Variants in HSPD1 observed in about 807,000 individuals in gnomAD.
HSPD1 encodes heat shock protein family D (Hsp60) member 1.
HSPD1 carries 3 observed loss-of-function variants against 53.0 expected under a neutral mutation model. The ratio of observed to expected loss-of-function variants is 0.06; its 90% CI spans 0.03 to 0.15. The LOEUF is 0.15. HSPD1 is among the 10% of genes least tolerant of loss of function. HSPD1 has a pLI of 1.00. For missense variants in HSPD1, 431 were observed against 694.1 expected, an observed-to-expected ratio of 0.62 and a Z score of 4.26; for synonymous variants, 200 against 228.0, an observed-to-expected ratio of 0.88 and a Z score of 1.10.
chr2:197,494,294 C>A, intron 5 of HSPD1, 44 bp from the exon 6 acceptor site: 1 of 960,238 alleles, frequency 1.0e-6, no homozygotes, highest in Non-Finnish European at 1.7e-6. Flanking sequence ...TCATTGAACA[C>A]AAAACATGGA....
intron 3 of HSPD1, 70 bp from the exon 4 acceptor site, chr2:197,495,446 A>G: frequency 9.1e-7 from 1 of 1,097,962 alleles, no homozygotes; most frequent in South Asian, 1.3e-5. Flanking sequence ...AGAAATCTTG[A>G]GATTTGTGAC....
Position 197,498,769 on chromosome 2 carries a change from G to C in HSPD1, c.80C>G (p.Ala27Gly), listed in dbSNP as rs140886598. Residue 27 changes from alanine (A) to glycine (G), a missense_variant, in exon 2 of 12, where the codon GCC (alanine) becomes GGC (glycine). This residue lies in a region of HSPD1 where 45 missense variants were observed against 36.5 expected (regional missense o/e 1.23). Coordinates refer to ENST00000388968, the MANE Select transcript of HSPD1 (RefSeq NM_002156.5). ...VLAPHLTRAY[A>G]KDVKFGADAR... ...ATCTGCACCAAATTTTACATCTTTG[G>C]CATAAGCCCGAGTGAGATGAGGAGC... 6.2e-7 allele frequency: 1 copy of C among 1,614,136 alleles called. No individual in the cohort carries two copies. Among genetic ancestry groups the C allele is most frequent in the East Asian group, 2.2e-5 (1 of 44,890 alleles).
chr2:197,488,266 T>C (rs1574596295), intron 10 of HSPD1, 51 bp downstream of exon 10: 5 of 1,533,456 alleles, frequency 3.3e-6, no homozygotes, highest in Non-Finnish European at 4.5e-6. Context: ...ATTATTATTC[T>C]AAGAAAAACT....
Position 197,487,913 on chromosome 2 carries a change from G to A in HSPD1, c.1514C>T (p.Ala505Val). ...MQSSSEVGYD[A>V]MAGDFVNMVE... Reference sequence around the variant, plus strand: ...CATATTCACAAAATCTCCAGCCATAGCATCATAACCAACTTCTGAGGAACT... The same window carrying A: ...CATATTCACAAAATCTCCAGCCATAACATCATAACCAACTTCTGAGGAACT... Residue 505 changes from alanine to valine, a missense_variant, in exon 11 of 12, where the codon GCT (alanine) becomes GTT (valine). Around this residue, in one of 2 missense-constraint regions of HSPD1, gnomAD observed 386 missense variants for 657.6 expected, o/e 0.59. Transcript: ENST00000388968. 1 of 1,613,754 alleles carries A rather than the reference G, an allele frequency of 6.2e-7. No individual in the cohort carries two copies. Among genetic ancestry groups the A allele is most frequent in the Non-Finnish European group, 8.5e-7 (1 of 1,179,676 alleles).
intron 6 of HSPD1, 49 bp from the exon 7 acceptor site, chr2:197,493,541 A>G: frequency 7.3e-7 from 1 of 1,371,274 alleles, no homozygotes; most frequent in Non-Finnish European, 1.0e-6. Flanking sequence ...TGACTGCAAT[A>G]CATTTAAATG....
Position 197,486,992 on chromosome 2 carries a change from G to A in HSPD1, c.*54C>T. 1 of 1,039,846 alleles carries A rather than the reference G, an allele frequency of 9.6e-7. No homozygotes were observed. Among genetic ancestry groups the A allele is most frequent in the Middle Eastern group, 2.8e-4 (1 of 3,524 alleles). 64.4% of individuals were successfully genotyped at this position (1,039,846 alleles called of 1,614,324 possible). A position where few individuals can be genotyped will look rare whatever the true frequency, so the allele number is the denominator to read the frequency against. On this transcript the variant is annotated 3_prime_UTR_variant, in exon 12 of 12. Transcript: ENST00000388968. ...TCTGAAGTTATTGGTGAGGAACACT[G>A]CCTTGGGCTTCCTGTCACAGTTCAT...
intron 4 of HSPD1, 120 bp from the exon 5 acceptor site, chr2:197,494,872 T>C: frequency 1.4e-6 from 1 of 735,342 alleles, no homozygotes; most frequent in Non-Finnish European, 2.5e-6. Flanking sequence ...AGAAGGGGAA[T>C]TTACGTTATG....
At chr2:197,492,786 C>T (rs970941434) in intron 7 of HSPD1, among the ~76,000 whole-genome samples, 28 of 151,074 alleles carry the variant, frequency 1.9e-4, no homozygotes, top group Non-Finnish European at 3.4e-4. Flanking sequence ...CTGAGGCGGG[C>T]GGATCACGAG....
intron 5 of HSPD1, 63 bp downstream of exon 5, chr2:197,494,590 TCAGA>T: frequency 9.1e-7 from 1 of 1,098,466 alleles, no homozygotes; most frequent in Non-Finnish European, 1.4e-6. Flanking sequence ...GTTTTGATCA[TCAGA>T]TAACTCAAAC....
At chr2:197,488,917 T>C (rs186758469) in intron 9 of HSPD1, 85 bp downstream of exon 9, 1 of 1,352,444 alleles carries the variant, frequency 7.4e-7, no homozygotes, top group East Asian at 2.3e-5. Context: ...CGTTTAGTTC[T>C]ATGGTACTAC....
Position 197,489,208 on chromosome 2 carries a change from C to T in HSPD1, c.1009G>A (p.Val337Ile), listed in dbSNP as rs755920309. The T allele has an allele frequency of 2.7e-5, 43 of 1,613,908 alleles. No individual in the cohort carries two copies. Among genetic ancestry groups the T allele is most frequent in the Non-Finnish European group, 3.1e-5 (37 of 1,179,900 alleles). The change falls in exon 9 of 12, where the codon GTT (valine) becomes ATT (isoleucine). Residue 337 changes from valine (V) to isoleucine (I), a missense_variant. Transcript: ENST00000388968. ...ACTTTTCCTAAGTCATGAGGCTGAA[C>T]GTCTTCAAGATTCAGGGTCAATCCC... ...EEGLTLNLEDVQPHDLGKVGE... is the reference protein window; with the variant it reads ...EEGLTLNLEDIQPHDLGKVGE...
intron 2 of HSPD1, 107 bp downstream of exon 2, chr2:197,498,568 C>A: frequency 1.0e-6 from 1 of 997,848 alleles, no homozygotes; most frequent in Non-Finnish European, 1.6e-6. Flanking sequence ...AAACTGAGTT[C>A]TCTCAAAAAT....
rs115857541 is a variant in HSPD1 at position 197,498,878 on chromosome 2, G to A, written c.-2-28C>T. On this transcript the variant is annotated intron_variant, in intron 1 of 11. Transcript: ENST00000388968. ...GGGGATGGAAGCAAAAAGATCATCA[G>A]AACTACCACCCGTGGTGCGCTGCAG... 1.9e-6 allele frequency: 3 copies of A among 1,606,674 alleles called. No homozygotes were observed. In the South Asian group the frequency reaches 3.3e-5, roughly 18 times the overall value.
At chr2:197,493,279 T>C (rs1274663274) in intron 7 of HSPD1, 45 bp downstream of exon 7, 1 of 1,517,600 alleles carries the variant, frequency 6.6e-7, no homozygotes, top group Admixed American at 1.7e-5. Flanking sequence ...AATAATTCTG[T>C]CTTTCACCGA....
chr2:197,488,384 A>C lies in HSPD1; in HGVS notation c.1323T>G (p.Gly441=). The C allele has an allele frequency of 2.5e-6, 4 of 1,613,718 alleles. No individual in the cohort carries two copies. The highest frequency in any genetic ancestry group is 3.4e-6 in the Non-Finnish European group (4 of 1,179,646). ...CTGGAATGCATCGAAGGAGGGCACA[A>C]CCCCCTCCCAAAACAATGCCTTCTT... The part of the protein sequence containing the change: ...AVEEGIVLGG[G]CALLRCIPAL... Residue 441 remains glycine (G), a synonymous_variant, in exon 10 of 12, where the codon GGT becomes GGG. Transcript: ENST00000388968.
rs757923024 is a variant in HSPD1 at position 197,498,790 on chromosome 2, G to A, written c.59C>T (p.Pro20Leu). Residue 20 changes from proline (P) to leucine (L), a missense_variant, in exon 2 of 12, where the codon CCT becomes CTT. Pro to Leu is a moderately conservative substitution (Grantham distance 98). Transcript: ENST00000388968. ...QMRPVSRVLA[P>L]HLTRAYAKDV... ...TTTGGCATAAGCCCGAGTGAGATGA[G>A]GAGCCAGTACCCTGGACACCGGTCT... The A allele has an allele frequency of 1.5e-5, 24 of 1,614,188 alleles. No homozygotes were observed. The South Asian group carries it at 1.5e-4, about 10-fold the overall frequency.
intron 3 of HSPD1, chr2:197,496,755 G>A (rs1185094197): frequency 7.1e-6 from 2 of 283,546 alleles, no homozygotes; most frequent in African/African-American, 2.2e-5. Flanking sequence ...AGTGTATTTA[G>A]TCTTACTTTC....
chr2:197,492,140 G>A (rs974233257), intron 7 of HSPD1, among the ~76,000 whole-genome samples: 1 of 152,358 alleles, frequency 6.6e-6, no homozygotes, highest in East Asian at 1.9e-4. Context: ...CTGGGTGACA[G>A]AGTCTGTCTC....
At chr2:197,500,162 C>T (rs1201776551), upstream of HSPD1, 1 of 549,316 alleles carries the variant, frequency 1.8e-6, no homozygotes, top group Non-Finnish European at 3.3e-6. Flanking sequence ...TCTTTCACCT[C>T]GGCTGGGCGC....
Sources: allele counts gnomAD v4.1 joint callset (sites outside exome capture counted in the v4.1 genomes callset), GRCh38; gene constraint gnomAD v4.1.1; regional missense constraint gnomAD v4.1.1; transcripts MANE v1.5; gene names NCBI Gene and HGNC (gene_info 2026-07-23, HGNC 2026-07-21).